The following EVC2 variants were observed in gnomAD, a reference collection of about 807,000 sequenced individuals.
EVC2 encodes EvC ciliary complex subunit 2, also known as limbin.
In EVC2, 148 loss-of-function variants were observed where a neutral mutation model predicts 149.3. The ratio of observed to expected loss-of-function variants is 0.99; its 90% CI spans 0.87 to 1.14. The LOEUF is 1.14. EVC2 is among the 50% of genes most tolerant of loss of function. EVC2 has a pLI of 0.00. For synonymous variants in EVC2, 776 were observed against 649.9 expected, an observed-to-expected ratio of 1.19 and a Z score of -2.95; for missense variants, 1,854 against 1,627.3, an observed-to-expected ratio of 1.14 and a Z score of -2.40.
rs933301224 is a variant in EVC2, at chr4:5,637,111, TGAG to T, written c.1470+3400_1470+3402del. The stretch of plus-strand genomic sequence containing the variant: ...TGGAGAGAGCAGGGTCAGGAAGCCC[TGAG>T]GAGGAGAGGGACTGCGTGACAGATG... On this transcript the variant is annotated intron_variant, in intron 10 of 21. Coordinates refer to ENST00000344408, the MANE Select transcript of EVC2 (RefSeq NM_147127.5). The surrounding 1 kb of genome is among the most constrained non-coding windows in gnomAD (Gnocchi z 4.4). Among the ~76,000 whole-genome samples the T allele has an allele frequency of 3.9e-5, 6 of 152,090 alleles. No individual in the cohort carries two copies. Among genetic ancestry groups the T allele is most frequent in the Non-Finnish European group, 8.8e-5 (6 of 68,014 alleles).
At chr4:5,533,023 T>C in the EVC2 span, among the ~76,000 whole-genome samples, 8 of 150,694 alleles carry the variant, frequency 5.3e-5, no homozygotes, top group Non-Finnish European at 1.2e-4. Context: ...GCCCACCATG[T>C]GCCTGCATCC....
intron 9 of EVC2, among the ~76,000 whole-genome samples, chr4:5,647,202 G>A (rs970385312): frequency 2.6e-5 from 4 of 152,118 alleles, no homozygotes; most frequent in East Asian, 3.9e-4. Flanking sequence ...CACAGCAAGC[G>A]GTGCTGCAGC....
chr4:5,627,467 AC>A (rs1291551124), intron 12 of EVC2, among the ~76,000 whole-genome samples: 3 of 152,182 alleles, frequency 2.0e-5, no homozygotes, highest in Non-Finnish European at 4.4e-5. Flanking sequence ...CATAATTTGC[AC>A]CTTACGGAAT....
chr4:5,573,016 A>G (rs1722724481), intron 19 of EVC2, among the ~76,000 whole-genome samples: 1 of 152,148 alleles, frequency 6.6e-6, no homozygotes, highest in Admixed American at 6.5e-5. Flanking sequence ...ATAAAACAGG[A>G]TAATACTGCC....
chr4:5,680,965 A>C (rs777055711), intron 7 of EVC2, among the ~76,000 whole-genome samples: 1 of 152,242 alleles, frequency 6.6e-6, no homozygotes, highest in South Asian at 2.1e-4. Context: ...CCTAGTGGCA[A>C]ACACTGGGGA....
chr4:5,539,318 T>C (rs949167541), downstream of EVC2, among the ~76,000 whole-genome samples: 1 of 152,026 alleles, frequency 6.6e-6, no homozygotes, highest in Non-Finnish European at 1.5e-5. Flanking sequence ...ACTGTATTTG[T>C]GGATTGGAAG....
exon 22 of EVC2, chr4:5,543,052 G>A (rs1302073489): frequency 6.9e-5 from 67 of 974,496 alleles, no homozygotes; most frequent in Non-Finnish European, 8.6e-5. Context: ...TTACTATTAC[G>A]CAAACAGAGG....
At chr4:5,673,513 C>A (rs992169992) in intron 7 of EVC2, among the ~76,000 whole-genome samples, 2 of 152,180 alleles carry the variant, frequency 1.3e-5, no homozygotes, top group Non-Finnish European at 2.9e-5. Flanking sequence ...AGCATCTTTA[C>A]CTTAAACCTC....
intron 1 of EVC2, among the ~76,000 whole-genome samples, chr4:5,697,902 C>T (rs907304317): frequency 2.6e-5 from 4 of 152,054 alleles, no homozygotes; most frequent in Admixed American, 6.6e-5. Flanking sequence ...CCCACCACCA[C>T]GCCCAGCTAA....
intron 7 of EVC2, among the ~76,000 whole-genome samples, chr4:5,674,341 G>A (rs2151717011): frequency 6.6e-6 from 1 of 152,322 alleles, no homozygotes; most frequent in East Asian, 1.9e-4. Flanking sequence ...CTGCAATGAT[G>A]TTGAGTTCTG....
Position 5,625,914 on chromosome 4 carries a change from T to C in EVC2, c.1887-6A>G, listed in dbSNP as rs772186122. 1.1e-5 allele frequency: 17 copies of C among 1,613,818 alleles called. No homozygotes were observed. Among genetic ancestry groups the C allele is most frequent in the Non-Finnish European group, 1.4e-5 (16 of 1,179,940 alleles). On this transcript the variant is annotated splice_region_variant and splice_polypyrimidine_tract_variant and intron_variant, in intron 12 of 21. Transcript: ENST00000344408. The surrounding 1 kb of genome is among the most constrained non-coding windows in gnomAD (Gnocchi z 4.0). ...CTTCATCCAGGTACCCTGCTCTAGA[T>C]GGAAAGGATGTAAAGTTAGGAATGT...
In EVC2 at chr4:5,594,000, C is replaced by T. The variant is rs113886837; in HGVS notation, c.2830-9150G>A. 3.0e-3 allele frequency among the ~76,000 whole-genome samples: 457 copies of T among 152,282 alleles called. 2 individuals carry two copies. Among genetic ancestry groups the T allele is most frequent in the African/African-American group, 8.6e-3 (358 of 41,552 alleles). ...GGCAGTCTGACATTGAACTGCAAGG[C>T]GGCAGCGAGGCTGGGGGAGGGGTGC... On this transcript the variant is annotated intron_variant, in intron 16 of 21. Transcript: ENST00000344408.
chr4:5,697,488 G>A, intron 2 of EVC2, 105 bp downstream of exon 2: 1 of 1,151,600 alleles, frequency 8.7e-7, no homozygotes, highest in Non-Finnish European at 1.3e-6. Flanking sequence ...GTAGAGAGGT[G>A]CTGGAAGGAT....
In EVC2 at chr4:5,691,292, A is replaced by G; in HGVS notation, c.492T>C (p.Asn164=). 1 of 1,613,692 alleles carries G rather than the reference A, an allele frequency of 6.2e-7. No individual in the cohort carries two copies. Among genetic ancestry groups the G allele is most frequent in the African/African-American group, 1.3e-5 (1 of 75,034 alleles). Residue 164 remains asparagine, a synonymous_variant, in exon 4 of 22, where the codon AAT becomes AAC. Transcript: ENST00000344408. ...GTGCACATTTCTGAAAAATTACTCC[A>G]TTTTCAGAAGTCCCTTGAACTTCTC... is the stretch of plus-strand genomic sequence containing the variant. ...ISREVQGTSE[N]GVIFQKCALV...
At chr4:5,598,659 G>T (rs1170216166) in intron 16 of EVC2, among the ~76,000 whole-genome samples, 1 of 152,178 alleles carries the variant, frequency 6.6e-6, no homozygotes, top group Admixed American at 6.5e-5. Flanking sequence ...ATAGGCATGG[G>T]CAAGGACTTC....
At chr4:5,687,077 T>G (rs1324415689) in intron 5 of EVC2, among the ~76,000 whole-genome samples, 1 of 151,650 alleles carries the variant, frequency 6.6e-6, no homozygotes, top group African/African-American at 2.4e-5. Flanking sequence ...GGCAATATGG[T>G]AAAATCCTGT....
intron 7 of EVC2, among the ~76,000 whole-genome samples, chr4:5,669,570 C>A (rs1042084957): frequency 1.3e-5 from 2 of 152,190 alleles, no homozygotes; most frequent in Non-Finnish European, 2.9e-5. Context: ...GGCAGCATCA[C>A]TCTACCGTAA....
rs748142296 is a variant in EVC2, at chr4:5,640,066, G to C, written c.1470+448C>G. Among the ~76,000 whole-genome samples, 1 of 151,984 alleles carries C rather than the reference G, an allele frequency of 6.6e-6. No individual in the cohort carries two copies. The highest frequency in any genetic ancestry group is 1.5e-5 in the Non-Finnish European group (1 of 68,000). On this transcript the variant is annotated intron_variant, in intron 10 of 21. Transcript: ENST00000344408. This position sits in a 1 kb window ranked among gnomAD's most constrained non-coding sequence, Gnocchi z 4.6. ...GGGTGGACGGGTAGATGGAGGGGAAGCATGGGTGAATGGGTAAATGGATGA... is the reference window on the plus strand; with the variant it reads ...GGGTGGACGGGTAGATGGAGGGGAACCATGGGTGAATGGGTAAATGGATGA...
At chr4:5,543,656 C>T (rs1560115422) in intron 21 of EVC2, among the ~76,000 whole-genome samples, 1 of 152,130 alleles carries the variant, frequency 6.6e-6, no homozygotes, top group Non-Finnish European at 1.5e-5. Flanking sequence ...AGGAGTTCCA[C>T]ACCAAATCCC....
Sources: allele counts gnomAD v4.1 joint callset (sites outside exome capture counted in the v4.1 genomes callset), GRCh38; gene constraint gnomAD v4.1.1; non-coding constraint Gnocchi (gnomAD v3.1); transcripts MANE v1.5; gene names NCBI Gene and HGNC (gene_info 2026-07-23, HGNC 2026-07-21).